SAMD11: variants seen among roughly 807,000 people sequenced by gnomAD.
The protein encoded by SAMD11 is sterile alpha motif domain-containing protein 11.
A neutral mutation model predicts 64.4 loss-of-function variants in SAMD11; 77 were observed. The ratio of observed to expected loss-of-function variants is 1.20; its 90% CI spans 0.99 to 1.44. The LOEUF is 1.44. Ranked by LOEUF, SAMD11 falls within the 40% of genes most tolerant of loss-of-function variation. The probability of loss-of-function intolerance (pLI) is 0.00; values close to 1 mark genes in which losing one functional copy is unlikely to be tolerated. For missense variants in SAMD11, 1,402 were observed against 943.3 expected, an observed-to-expected ratio of 1.49 and a Z score of -6.37; for synonymous variants, 658 against 421.9, an observed-to-expected ratio of 1.56 and a Z score of -6.86.
Position 944,330 on chromosome 1 carries a change from C to T in SAMD11, c.*177C>T. The stretch of plus-strand genomic sequence containing the variant: ...TTTCAAAGACTTGGGGGAGTGAAGG[C>T]AGAGCCTGGTGCAGATGGACGAGGT... On this transcript the variant is annotated 3_prime_UTR_variant, in exon 14 of 14. Coordinates refer to ENST00000616016, the MANE Select transcript of SAMD11 (RefSeq NM_001385641.1). 4 of 1,382,854 alleles carry T rather than the reference C, an allele frequency of 2.9e-6. No individual in the cohort carries two copies. Among genetic ancestry groups the T allele is most frequent in the East Asian group, 2.8e-5 (1 of 36,320 alleles). The allele number at this position is 1,382,854 out of a possible 1,614,324, so 85.7% of individuals were successfully genotyped here. A position where few individuals can be genotyped will look rare whatever the true frequency, so the allele number is the denominator to read the frequency against.
intron 5 of SAMD11, among the ~76,000 whole-genome samples, chr1:936,161 G>A (rs953289485): frequency 1.3e-5 from 2 of 152,226 alleles, no homozygotes; most frequent in African/African-American, 2.4e-5. Context: ...CAGGGCAGAC[G>A]TAGGCGTGGC....
rs1192047461 is a variant in SAMD11, at chr1:924,256, C to CCGGGGAGGCCTGGCGGGCGG, written c.-173_-154dup. ...AGGCCCCGCCGGCCGGCTGGGCAGT[C>CCGGGGAGGCCTGGCGGGCGG]CGGGGAGGCCTGGCGGGCGGCGCGT... is the stretch of plus-strand genomic sequence containing the variant. On this transcript the variant is annotated 5_prime_UTR_variant, in exon 1 of 14. It removes the in-frame stop codon of an upstream open reading frame in the 5' UTR. Coordinates refer to ENST00000616016, the MANE Select transcript of SAMD11 (RefSeq NM_001385641.1). 3.3e-5 allele frequency: 5 copies of CCGGGGAGGCCTGGCGGGCGG among 149,818 alleles called. No individual in the cohort carries two copies. In the East Asian group the frequency reaches 5.9e-4, roughly 18 times the overall value. 9.3% of individuals were successfully genotyped at this position (149,818 alleles called of 1,614,324 possible). A position where few individuals can be genotyped will look rare whatever the true frequency, so the allele number is the denominator to read the frequency against.
At chr1:934,012 GAGGCGGCTGCGTTACAGGT>G (rs1641293712) in intron 4 of SAMD11, among the ~76,000 whole-genome samples, 2 of 137,590 alleles carry the variant, frequency 1.5e-5, no homozygotes, top group African/African-American at 6.1e-5. Context: ...GTGGGCAGGG[GAGGCGGCTGCGTTACAGGT>G]GGGCAGGGGA....
chr1:935,059 G>A (rs1276341889), intron 4 of SAMD11, among the ~76,000 whole-genome samples: 2 of 152,260 alleles, frequency 1.3e-5, no homozygotes, highest in African/African-American at 2.4e-5. Flanking sequence ...AAGGGGTGGA[G>A]GGCCGTGCTC....
At chr1:941,867 C>T (rs2100354709) in intron 8 of SAMD11, among the ~76,000 whole-genome samples, 1 of 152,238 alleles carries the variant, frequency 6.6e-6, no homozygotes, top group African/African-American at 2.4e-5. Context: ...CTCGGGTCCG[C>T]AGGGGAGGGG....
chr1:939,024 C>A lies in SAMD11; in HGVS notation c.968-16C>A. ...ATTCCTTGAGATGCAGGTGGGCACTCACTACCCTCCCGCAGGTGACCTGTT... is the reference window on the plus strand; with the variant it reads ...ATTCCTTGAGATGCAGGTGGGCACTAACTACCCTCCCGCAGGTGACCTGTT... On this transcript the variant is annotated splice_polypyrimidine_tract_variant and intron_variant, in intron 5 of 13. Coordinates refer to ENST00000616016, the MANE Select transcript of SAMD11 (RefSeq NM_001385641.1). 1 of 1,582,624 alleles carries A rather than the reference C, an allele frequency of 6.3e-7. No individual in the cohort carries two copies. The highest frequency in any genetic ancestry group is 2.3e-5 in the East Asian group (1 of 43,830).
chr1:925,476 C>G (rs936652327), intron 1 of SAMD11, among the ~76,000 whole-genome samples: 1 of 151,972 alleles, frequency 6.6e-6, no homozygotes, highest in African/African-American at 2.4e-5. Context: ...ACAGGGGGTG[C>G]GGTGAGCGCC....
chr1:943,888 A>C lies in SAMD11; in HGVS notation c.2290-20A>C. On this transcript the variant is annotated intron_variant, in intron 13 of 13. Coordinates refer to ENST00000616016, the MANE Select transcript of SAMD11 (RefSeq NM_001385641.1). The stretch of plus-strand genomic sequence containing the variant: ...TCTGGGTGGGTGTGCGACAGCCCCC[A>C]CCAGGCCATCTCTCTGCAGGTGGCC... 2.5e-6 allele frequency: 4 copies of C among 1,612,906 alleles called. No homozygotes were observed. The highest frequency in any genetic ancestry group is 3.4e-6 in the Non-Finnish European group (4 of 1,179,978).
intron 1 of SAMD11, 77 bp from the exon 2 acceptor site, chr1:925,845 G>C (rs541594627): frequency 5.4e-5 from 55 of 1,018,862 alleles, no homozygotes; most frequent in Middle Eastern, 2.2e-4. Flanking sequence ...AGCCGGGGAG[G>C]GGGTACTGGC....
rs1036226747 is a variant in SAMD11, at chr1:942,557, A to G, written c.1554-2A>G. ...GCTGACCCGCGTCTGCCCCCGGCCC[A>G]GGCTGGAGCTGCCCGCCGACCTCCT... On this transcript the variant is annotated splice_acceptor_variant, in intron 10 of 13. Transcript: ENST00000616016. LOFTEE classifies it high-confidence loss of function. 5.7e-6 allele frequency: 8 copies of G among 1,395,324 alleles called. No homozygotes were observed. Among genetic ancestry groups the G allele is most frequent in the Non-Finnish European group, 7.4e-6 (8 of 1,084,786 alleles). The allele number at this position is 1,395,324 out of a possible 1,614,324, so 86.4% of individuals were successfully genotyped here. A position where few individuals can be genotyped will look rare whatever the true frequency, so the allele number is the denominator to read the frequency against.
At position 942,889 on chromosome 1, in the gene SAMD11, C is replaced by A; in HGVS notation, c.1884C>A (p.Pro628=). The change falls in exon 11 of 14, where the codon CCC becomes CCA. Residue 628 remains proline (P), a synonymous_variant. Transcript: ENST00000616016. ...LWAQDGSEDE[P]PKDSDGEDPE... Reference sequence around the variant, plus strand: ...CACAAGATGGCTCGGAAGACGAGCCCCCCAAAGACTCGGACGGAGAGGACC... The same window carrying A: ...CACAAGATGGCTCGGAAGACGAGCCACCCAAAGACTCGGACGGAGAGGACC... 6.4e-7 allele frequency: 1 copy of A among 1,555,598 alleles called. No individual in the cohort carries two copies. The highest frequency in any genetic ancestry group is 8.7e-7 in the Non-Finnish European group (1 of 1,149,710).
intron 12 of SAMD11, 22 bp downstream of exon 12, chr1:943,399 T>TGG: frequency 6.6e-7 from 1 of 1,508,894 alleles, no homozygotes; most frequent in Non-Finnish European, 8.9e-7. Context: ...CCCCAGTTCC[T>TGG]GGGGCGGGGC....
Position 942,886 on chromosome 1 carries a change from G to GC in SAMD11, c.1887dup (p.Lys630GlnfsTer72), listed in dbSNP as rs768396777. ...GGGCACAAGATGGCTCGGAAGACGAGCCCCCCAAAGACTCGGACGGAGAGG... is the reference window on the plus strand; with the variant it reads ...GGGCACAAGATGGCTCGGAAGACGAGCCCCCCCAAAGACTCGGACGGAGAGG... On this transcript the variant is annotated frameshift_variant, in exon 11 of 14. Transcript: ENST00000616016. LOFTEE classifies it high-confidence loss of function. 5 of 1,555,434 alleles carry GC rather than the reference G, an allele frequency of 3.2e-6. No homozygotes were observed. The highest frequency in any genetic ancestry group is 4.3e-6 in the Non-Finnish European group (5 of 1,149,592).
Position 939,423 on chromosome 1 carries a change from A to C in SAMD11, c.1195+11A>C. The stretch of plus-strand genomic sequence containing the variant: ...GCCTCCCCAGCCACGGTGAGGACCC[A>C]CCCTGGCATGATCCCCCTCATCACC... On this transcript the variant is annotated intron_variant, in intron 7 of 13. Coordinates refer to ENST00000616016, the MANE Select transcript of SAMD11 (RefSeq NM_001385641.1). The C allele has an allele frequency of 1.4e-6, 2 of 1,440,938 alleles. No homozygotes were observed. The highest frequency in any genetic ancestry group is 1.2e-5 in the South Asian group (1 of 81,948). The allele number at this position is 1,440,938 out of a possible 1,614,324, so 89.3% of individuals were successfully genotyped here.
chr1:926,084 G>A (rs1569858509), intron 2 of SAMD11, 71 bp downstream of exon 2: 1 of 1,475,398 alleles, frequency 6.8e-7, no homozygotes, highest in Non-Finnish European at 9.4e-7. Flanking sequence ...GGTTTTCAGG[G>A]TTTTCAGGAT....
At chr1:933,682 C>T (rs1209882947) in intron 4 of SAMD11, among the ~76,000 whole-genome samples, 1 of 152,194 alleles carries the variant, frequency 6.6e-6, no homozygotes, top group Non-Finnish European at 1.5e-5. Flanking sequence ...AGGGATGAGT[C>T]TCGCTGCCGA....
At chr1:936,953 G>A (rs1024344853) in intron 5 of SAMD11, among the ~76,000 whole-genome samples, 3 of 152,202 alleles carry the variant, frequency 2.0e-5, no homozygotes, top group Admixed American at 2.0e-4. Context: ...GTGTGCGTGT[G>A]CCGGCATGTC....
chr1:932,815 G>A (rs949422134), intron 4 of SAMD11, among the ~76,000 whole-genome samples: 15 of 152,252 alleles, frequency 9.9e-5, no homozygotes, highest in South Asian at 4.1e-4. Context: ...GCCCCAGGCC[G>A]TCCTCCTCTG....
chr1:935,631 T>C (rs1569888297), intron 4 of SAMD11, 141 bp from the exon 5 acceptor site: 3 of 1,156,034 alleles, frequency 2.6e-6, no homozygotes, highest in Non-Finnish European at 3.7e-6. Flanking sequence ...ACGGGCCACA[T>C]GCCGAGGCGT....
Sources: gnomAD v4.1 joint callset for allele counts (sites outside exome capture counted in the v4.1 genomes callset) on GRCh38, gnomAD v4.1.1 for gene constraint, MANE v1.5 for transcripts, NCBI Gene and HGNC (gene_info 2026-07-23, HGNC 2026-07-21) for gene names.